Variants in ELK3 observed in about 807,000 individuals in gnomAD.
ELK3 encodes the protein ETS domain-containing protein Elk-3.
A neutral mutation model predicts 28.9 loss-of-function variants in ELK3; 10 were observed. The observed-to-expected ratio is 0.35, with a 90% CI of 0.21 to 0.59. The LOEUF is 0.59. Among genes scored for constraint, ELK3 ranks in the 20% least tolerant of loss-of-function variants. ELK3 has a pLI of 0.82. For synonymous variants in ELK3, 272 were observed against 243.5 expected, an observed-to-expected ratio of 1.12 and a Z score of -1.09; for missense variants, 463 against 517.3, an observed-to-expected ratio of 0.90 and a Z score of 1.02.
chr12:96,260,820 T>C (rs1030567709), intron 4 of ELK3, among the ~76,000 whole-genome samples: 6 of 152,220 alleles, frequency 3.9e-5, no homozygotes, highest in Non-Finnish European at 8.8e-5. Flanking sequence ...ACAGTGTGGC[T>C]TACCCCAAGT....
At chr12:96,253,420 C>T (rs1951922578) in intron 3 of ELK3, among the ~76,000 whole-genome samples, 1 of 152,190 alleles carries the variant, frequency 6.6e-6, no homozygotes, top group African/African-American at 2.4e-5. Flanking sequence ...TCTGTAGCTA[C>T]CCTAGGCCCC....
At chr12:96,245,111 G>A (rs1051603638) in intron 2 of ELK3, among the ~76,000 whole-genome samples, 1 of 152,114 alleles carries the variant, frequency 6.6e-6, no homozygotes, top group African/African-American at 2.4e-5. Context: ...TGCTCAGTGA[G>A]GTTTCTCCAT....
intron 1 of ELK3, 65 bp from the exon 2 acceptor site, chr12:96,223,500 C>T (rs765881244): frequency 1.7e-5 from 27 of 1,548,544 alleles, no homozygotes; most frequent in Non-Finnish European, 2.2e-5. Flanking sequence ...GAAGCCCCCT[C>T]TCTCCTCGCC....
At chr12:96,229,507 G>T (rs1009578505) in intron 2 of ELK3, among the ~76,000 whole-genome samples, 1 of 143,426 alleles carries the variant, frequency 7.0e-6, no homozygotes, top group African/African-American at 2.6e-5. Flanking sequence ...TCCCCATTCT[G>T]TGTGTCCAGA....
At chr12:96,201,682 G>C (rs1951508928) in intron 1 of ELK3, among the ~76,000 whole-genome samples, 1 of 151,994 alleles carries the variant, frequency 6.6e-6, no homozygotes, top group African/African-American at 2.4e-5. Flanking sequence ...TTGGAGGAAA[G>C]GTCTTGACTC....
At chr12:96,206,414 T>G (rs990363705) in intron 1 of ELK3, among the ~76,000 whole-genome samples, 1 of 152,108 alleles carries the variant, frequency 6.6e-6, no homozygotes, top group East Asian at 1.9e-4. Flanking sequence ...CCTCCCAGGT[T>G]AAAGCGATTC....
At chr12:96,210,433 C>T (rs1207825282) in intron 1 of ELK3, among the ~76,000 whole-genome samples, 2 of 152,186 alleles carry the variant, frequency 1.3e-5, no homozygotes, top group Non-Finnish European at 2.9e-5. Flanking sequence ...CCTATTCACA[C>T]TTGAAGTGCT....
intron 1 of ELK3, among the ~76,000 whole-genome samples, chr12:96,218,337 A>G (rs867113457): frequency 6.6e-6 from 1 of 152,234 alleles, no homozygotes; most frequent in Non-Finnish European, 1.5e-5. Flanking sequence ...AAGCAGACTG[A>G]TGGGCCTCAG....
intron 1 of ELK3, among the ~76,000 whole-genome samples, chr12:96,211,076 C>T (rs991907500): frequency 1.3e-5 from 2 of 152,174 alleles, no homozygotes; most frequent in African/African-American, 2.4e-5. Context: ...CTTTCGAAGT[C>T]ATAGTTCCTC....
At chr12:96,214,452 AAAC>A (rs1253469007) in intron 1 of ELK3, among the ~76,000 whole-genome samples, 1 of 151,276 alleles carries the variant, frequency 6.6e-6, no homozygotes, top group African/African-American at 2.4e-5. Context: ...CAAAACAAAC[AAAC>A]AAAAAAAAAA....
chr12:96,216,574 G>A (rs1951620347), intron 1 of ELK3, among the ~76,000 whole-genome samples: 1 of 152,178 alleles, frequency 6.6e-6, no homozygotes, highest in African/African-American at 2.4e-5. Context: ...AGCCCAGGTG[G>A]GTGCTGTAGC....
intron 1 of ELK3, among the ~76,000 whole-genome samples, chr12:96,211,025 T>C (rs1174577941): frequency 6.6e-6 from 1 of 152,234 alleles, no homozygotes; most frequent in African/African-American, 2.4e-5. Context: ...GAGGCTCTGT[T>C]GGCCCATTTT....
chr12:96,264,889 C>T (rs959705847), intron 4 of ELK3, among the ~76,000 whole-genome samples: 18 of 152,208 alleles, frequency 1.2e-4, no homozygotes, highest in African/African-American at 3.4e-4. Context: ...TCATTTAATA[C>T]TCCCAGTAAT....
intron 4 of ELK3, among the ~76,000 whole-genome samples, chr12:96,265,099 T>C (rs543585158): frequency 6.6e-6 from 1 of 152,048 alleles, no homozygotes; most frequent in Non-Finnish European, 1.5e-5. Context: ...AAAATGGAAA[T>C]GGTTGTCAAG....
intron 4 of ELK3, among the ~76,000 whole-genome samples, chr12:96,260,826 C>G (rs1951987628): frequency 6.6e-6 from 1 of 152,166 alleles, no homozygotes; most frequent in Admixed American, 6.5e-5. Flanking sequence ...TGGCTTACCC[C>G]AAGTTAGTTG....
intron 1 of ELK3, among the ~76,000 whole-genome samples, chr12:96,201,269 A>G (rs550990412): frequency 1.3e-5 from 2 of 152,294 alleles, no homozygotes; most frequent in East Asian, 3.9e-4. Context: ...ACTAATTGGG[A>G]TGAGAGGATA....
chr12:96,261,721 G>C (rs566364050), intron 4 of ELK3, among the ~76,000 whole-genome samples: 1 of 152,164 alleles, frequency 6.6e-6, no homozygotes, highest in African/African-American at 2.4e-5. Context: ...AAGCAATGGA[G>C]CACTATTGGC....
At chr12:96,215,221 C>A (rs1366252024) in intron 1 of ELK3, among the ~76,000 whole-genome samples, 1 of 151,674 alleles carries the variant, frequency 6.6e-6, no homozygotes, top group Non-Finnish European at 1.5e-5. Context: ...AAACAAGGAA[C>A]ATGCAAAGGG....
At chr12:96,264,846 C>T (rs1952018002) in intron 4 of ELK3, among the ~76,000 whole-genome samples, 1 of 152,160 alleles carries the variant, frequency 6.6e-6, no homozygotes, top group Non-Finnish European at 1.5e-5. Flanking sequence ...TTATTGTGTG[C>T]AAGACGTTGT....
Sources: allele counts gnomAD v4.1 joint callset (sites outside exome capture counted in the v4.1 genomes callset), GRCh38; gene constraint gnomAD v4.1.1; transcripts MANE v1.5; gene names NCBI Gene and HGNC (gene_info 2026-07-23, HGNC 2026-07-21).